The following FHOD3 variants were observed in gnomAD, a reference collection of about 807,000 sequenced individuals.
FHOD3 encodes formin homology 2 domain containing 3, also known as FH1/FH2 domain-containing protein 3.
In FHOD3, 90 loss-of-function variants were observed where a neutral mutation model predicts 173.0. That is an observed-to-expected ratio of 0.52 (90% CI 0.44 to 0.62). The LOEUF is 0.62. Ranked by LOEUF, FHOD3 falls within the 20% of genes least tolerant of loss-of-function variation. The probability of loss-of-function intolerance (pLI) is 0.00; values close to 1 mark genes in which losing one functional copy is unlikely to be tolerated. For missense variants in FHOD3, 1,945 were observed against 2,034.7 expected (o/e 0.96, Z 0.85); for synonymous variants, 828 against 823.0 (o/e 1.01, Z -0.10).
intron 3 of FHOD3, among the ~76,000 whole-genome samples, chr18:36,446,082 A>T (rs969507509): frequency 1.4e-4 from 21 of 152,164 alleles, no homozygotes; most frequent in African/African-American, 4.6e-4. Flanking sequence ...CAGCAGATAG[A>T]AAAGGATTTA....
chr18:36,300,628 G>C (rs112603062), intron 1 of FHOD3, among the ~76,000 whole-genome samples: 1 of 152,160 alleles, frequency 6.6e-6, no homozygotes, highest in East Asian at 1.9e-4. Context: ...TGCAGCGAGC[G>C]CATTCTCAGT....
rs77911035 is a variant in FHOD3 at position 36,440,959 on chromosome 18, G to A, written c.338-60973G>A. The stretch of plus-strand genomic sequence containing the variant: ...CCTGCCCTGCTATTGCCTTGGATAA[G>A]CTTTTGCAATTGGCAGGGCACCCAG... On this transcript the variant is annotated intron_variant, in intron 3 of 28. Transcript: ENST00000590592. Among the ~76,000 whole-genome samples the A allele has an allele frequency of 2.7e-3, 413 of 152,206 alleles. 2 individuals carry two copies. Among genetic ancestry groups the A allele is most frequent in the African/African-American group, 8.7e-3 (362 of 41,536 alleles).
intron 3 of FHOD3, among the ~76,000 whole-genome samples, chr18:36,415,058 G>T (rs1183152791): frequency 1.3e-5 from 2 of 152,150 alleles, no homozygotes; most frequent in Admixed American, 1.3e-4. Flanking sequence ...GGATTTTTGG[G>T]CACCTCCATT....
chr18:36,671,290 A>G (rs2037519415), intron 14 of FHOD3, among the ~76,000 whole-genome samples: 1 of 152,184 alleles, frequency 6.6e-6, no homozygotes, highest in Non-Finnish European at 1.5e-5. Context: ...TTTATGCACC[A>G]CAGCCTGCAA....
At chr18:36,358,741 T>C (rs1408221117) in intron 2 of FHOD3, among the ~76,000 whole-genome samples, 1 of 152,166 alleles carries the variant, frequency 6.6e-6, no homozygotes, top group Non-Finnish European at 1.5e-5. Flanking sequence ...AGTGGTGCAA[T>C]CACAGCTCAC....
chr18:36,588,584 G>A (rs2059115597), intron 6 of FHOD3, among the ~76,000 whole-genome samples: 1 of 152,004 alleles, frequency 6.6e-6, no homozygotes, highest in Non-Finnish European at 1.5e-5. Context: ...TTTGGCTGTT[G>A]AATTTTTAGA....
Position 36,652,757 on chromosome 18 carries a change from C to T in FHOD3, c.1474C>T (p.Pro492Ser). The T allele has an allele frequency of 6.5e-7, 1 of 1,535,974 alleles. No individual in the cohort carries two copies. The highest frequency in any genetic ancestry group is 2.0e-5 in the Admixed American group (1 of 50,986). Residue 492 changes from proline (P) to serine (S), a missense_variant, in exon 12 of 29, where the codon CCT becomes TCT. By Grantham distance (74) the Pro-to-Ser change is moderately conservative. Coordinates refer to ENST00000590592, the MANE Select transcript of FHOD3 (RefSeq NM_001281740.3). ...CACCCCATCTGCCCTCCTGTCACCC[C>T]CTGCCTCAGCTGCTCGGCCCTCCTC... ...EATPSALLSP[P>S]ASAARPSSAT...
At chr18:36,494,384 G>A (rs968586916) in intron 3 of FHOD3, among the ~76,000 whole-genome samples, 13 of 152,160 alleles carry the variant, frequency 8.5e-5, no homozygotes, top group African/African-American at 3.1e-4. Context: ...AAGAAAGGAT[G>A]GAGGGGCAGT....
intron 1 of FHOD3, among the ~76,000 whole-genome samples, chr18:36,298,948 C>T (rs956783220): frequency 6.6e-6 from 1 of 151,762 alleles, no homozygotes; most frequent in Non-Finnish European, 1.5e-5. Context: ...ATTTTTTCTG[C>T]CTAGGATTCA....
chr18:36,699,987 T>C (rs2039492693), intron 17 of FHOD3, among the ~76,000 whole-genome samples: 1 of 152,238 alleles, frequency 6.6e-6, no homozygotes, highest in Non-Finnish European at 1.5e-5. Flanking sequence ...AACAGGATAG[T>C]TGCCTTTTGA....
intron 28 of FHOD3, among the ~76,000 whole-genome samples, chr18:36,773,817 G>A (rs771399312): frequency 2.9e-4 from 44 of 152,152 alleles, no homozygotes; most frequent in Non-Finnish European, 6.2e-4. Context: ...GCTACAATTA[G>A]TAGCCCAGAC....
chr18:36,478,467 A>G (rs931850276), intron 3 of FHOD3, among the ~76,000 whole-genome samples: 24 of 151,728 alleles, frequency 1.6e-4, no homozygotes, highest in Non-Finnish European at 1.9e-4. Flanking sequence ...ATTATTGACT[A>G]TAGTCCCCTT....
intron 3 of FHOD3, among the ~76,000 whole-genome samples, chr18:36,386,448 A>G (rs1384480356): frequency 6.6e-6 from 1 of 152,226 alleles, no homozygotes; most frequent in African/African-American, 2.4e-5. Context: ...CTTAGCAGAA[A>G]GCCGTAAAAA....
chr18:36,367,097 A>G (rs2046935285), intron 2 of FHOD3, among the ~76,000 whole-genome samples: 2 of 152,338 alleles, frequency 1.3e-5, no homozygotes, highest in South Asian at 4.1e-4. Flanking sequence ...TGAAACATGC[A>G]GGTTTCTGTG....
At chr18:36,486,750 T>C (rs954340264) in intron 3 of FHOD3, among the ~76,000 whole-genome samples, 3 of 152,240 alleles carry the variant, frequency 2.0e-5, no homozygotes, top group Non-Finnish European at 4.4e-5. Context: ...TTGACAACTA[T>C]ATCTCAAACA....
At chr18:36,301,937 T>C (rs1186687619) in intron 1 of FHOD3, among the ~76,000 whole-genome samples, 1 of 152,210 alleles carries the variant, frequency 6.6e-6, no homozygotes, top group Non-Finnish European at 1.5e-5. Flanking sequence ...ATAATAGCTG[T>C]CATGTCCTAG....
At chr18:36,450,544 C>T (rs1252241664) in intron 3 of FHOD3, among the ~76,000 whole-genome samples, 1 of 151,872 alleles carries the variant, frequency 6.6e-6, no homozygotes, top group Non-Finnish European at 1.5e-5. Context: ...GTAATCCTAG[C>T]ACTTTGGGAG....
chr18:36,569,846 A>G (rs972426984), intron 5 of FHOD3, among the ~76,000 whole-genome samples: 4 of 152,150 alleles, frequency 2.6e-5, no homozygotes, highest in African/African-American at 7.2e-5. Flanking sequence ...GGAATTCTCA[A>G]TGGAAGTTAG....
At chr18:36,633,996 G>A (rs1172028288) in intron 10 of FHOD3, among the ~76,000 whole-genome samples, 3 of 152,196 alleles carry the variant, frequency 2.0e-5, no homozygotes, top group East Asian at 1.9e-4. Flanking sequence ...CTACCTTGGC[G>A]ATGGAGTAAG....
Sources: allele counts gnomAD v4.1 joint callset (sites outside exome capture counted in the v4.1 genomes callset), GRCh38; gene constraint gnomAD v4.1.1; transcripts MANE v1.5; gene names NCBI Gene and HGNC (gene_info 2026-07-23, HGNC 2026-07-21).